The following TRIM24 variants were observed in gnomAD, a reference collection of about 807,000 sequenced individuals.
TRIM24 encodes the protein transcription intermediary factor 1-alpha.
Under a neutral mutation model 123.9 loss-of-function variants are expected in TRIM24, and 29 were observed. That is an observed-to-expected ratio of 0.23 (90% CI 0.17 to 0.32). TRIM24 has a LOEUF of 0.32. Among genes scored for constraint, TRIM24 ranks in the 10% least tolerant of loss-of-function variants. TRIM24 has a pLI of 1.00. For missense variants in TRIM24, 932 were observed against 1,295.3 expected (o/e 0.72, Z 4.31); for synonymous variants, 456 against 461.1 (o/e 0.99, Z 0.14).
At chr7:138,485,770 T>G (rs1160777110) in intron 1 of TRIM24, among the ~76,000 whole-genome samples, 3 of 152,218 alleles carry the variant, frequency 2.0e-5, no homozygotes, top group African/African-American at 7.2e-5. Context: ...GTTCCAAGTC[T>G]CTCCTGTTGT....
At chr7:138,524,209 G>A (rs192747496) in intron 4 of TRIM24, among the ~76,000 whole-genome samples, 2 of 152,116 alleles carry the variant, frequency 1.3e-5, no homozygotes, top group Admixed American at 6.5e-5. Context: ...TAGCAAACTA[G>A]AAATAAAAAA....
intron 2 of TRIM24, among the ~76,000 whole-genome samples, chr7:138,506,364 AT>A (rs1230772967): frequency 7.2e-5 from 11 of 152,192 alleles, no homozygotes; most frequent in African/African-American, 2.7e-4. Context: ...AATACAAATG[AT>A]TTTGTTTCTG....
intron 1 of TRIM24, among the ~76,000 whole-genome samples, chr7:138,463,051 T>TTTG (rs1795045823): frequency 8.0e-6 from 1 of 124,760 alleles, no homozygotes; most frequent in African/African-American, 3.0e-5. Context: ...GTGTTTTTTT[T>TTTG]TTTTTTTTTT....
At chr7:138,504,912 C>G (rs1796119775) in intron 2 of TRIM24, among the ~76,000 whole-genome samples, 1 of 151,978 alleles carries the variant, frequency 6.6e-6, no homozygotes, top group Non-Finnish European at 1.5e-5. Flanking sequence ...AGGTGTGTGC[C>G]ACTATGCCCA....
intron 6 of TRIM24, among the ~76,000 whole-genome samples, chr7:138,534,564 C>G (rs970802393): frequency 6.0e-4 from 92 of 152,290 alleles, no homozygotes; most frequent in Admixed American, 1.9e-3. Flanking sequence ...TTTGATTGCA[C>G]TGTAGTCTGA....
chr7:138,581,942 G>C (rs1185544609), intron 17 of TRIM24, among the ~76,000 whole-genome samples, 171 bp downstream of exon 17: 1 of 152,014 alleles, frequency 6.6e-6, no homozygotes, highest in African/African-American at 2.4e-5. Flanking sequence ...TTAGTAAGTG[G>C]CCCAAAACTT....
chr7:138,494,043 G>A (rs1020183097), intron 1 of TRIM24, among the ~76,000 whole-genome samples: 5 of 151,596 alleles, frequency 3.3e-5, no homozygotes, highest in Admixed American at 1.3e-4. Flanking sequence ...GTGCAATGGC[G>A]CGATCTCAGC....
In TRIM24 at chr7:138,512,647, C is replaced by T. The variant is rs1331027148; in HGVS notation, c.484-2565C>T. 2.6e-5 allele frequency among the ~76,000 whole-genome samples: 4 copies of T among 152,080 alleles called. No homozygotes were observed. In the East Asian group the frequency reaches 7.8e-4, roughly 29 times the overall value. On this transcript the variant is annotated intron_variant, in intron 2 of 18. Transcript: ENST00000343526. ...TGAGCCATGGCTGGAACTGGAGAGG[C>T]TGGGACACAGGGAGCAGTGTCCTGA...
At chr7:138,525,383 T>C in intron 5 of TRIM24, 26 bp downstream of exon 5, 1 of 1,269,302 alleles carries the variant, frequency 7.9e-7, no homozygotes. Context: ...TATGTAATCA[T>C]TTTTATATAA....
intron 1 of TRIM24, among the ~76,000 whole-genome samples, chr7:138,484,487 T>A (rs1795603642): frequency 6.6e-6 from 1 of 152,070 alleles, no homozygotes; most frequent in South Asian, 2.1e-4. Flanking sequence ...TGTTAGGTGG[T>A]GAGTTCTAAG....
At chr7:138,531,716 C>T (rs1478372111) in intron 6 of TRIM24, among the ~76,000 whole-genome samples, 3 of 152,132 alleles carry the variant, frequency 2.0e-5, no homozygotes, top group Non-Finnish European at 4.4e-5. Flanking sequence ...GATTTATAAT[C>T]CTTTGGGTAT....
intron 7 of TRIM24, among the ~76,000 whole-genome samples, chr7:138,539,808 T>TTC (rs1199777813): frequency 6.0e-5 from 9 of 150,582 alleles, no homozygotes; most frequent in African/African-American, 2.2e-4. Flanking sequence ...AATCTTTTTT[T>TTC]TTTTTTTTTT....
chr7:138,478,413 A>G (rs912723017), intron 1 of TRIM24, among the ~76,000 whole-genome samples: 8 of 152,182 alleles, frequency 5.3e-5, no homozygotes, highest in African/African-American at 1.7e-4. Flanking sequence ...AGGCTGAGGC[A>G]GGAGGATCGC....
intron 1 of TRIM24, among the ~76,000 whole-genome samples, chr7:138,463,435 T>C (rs1467214922): frequency 6.6e-6 from 1 of 152,124 alleles, no homozygotes; most frequent in Non-Finnish European, 1.5e-5. Flanking sequence ...TTTTGCCATG[T>C]TGGCCAGGCT....
At chr7:138,466,989 T>A (rs192033380) in intron 1 of TRIM24, among the ~76,000 whole-genome samples, 1 of 152,322 alleles carries the variant, frequency 6.6e-6, no homozygotes, top group Admixed American at 6.5e-5. Context: ...TGAGGTTCAT[T>A]TTTTTAAAAA....
At chr7:138,551,288 A>G (rs901493387) in intron 8 of TRIM24, 108 bp downstream of exon 8, 3 of 957,096 alleles carry the variant, frequency 3.1e-6, no homozygotes, top group Non-Finnish European at 4.9e-6. Context: ...ACGGTGGCTC[A>G]CATCTGTAAT....
intron 1 of TRIM24, among the ~76,000 whole-genome samples, chr7:138,463,114 T>C (rs1283722002): frequency 7.6e-6 from 1 of 131,360 alleles, no homozygotes; most frequent in African/African-American, 2.8e-5. Context: ...GGTCTTGAAC[T>C]CCCGACCTCA....
At chr7:138,527,887 T>G (rs1796643547) in intron 5 of TRIM24, among the ~76,000 whole-genome samples, 2 of 151,884 alleles carry the variant, frequency 1.3e-5, no homozygotes, top group African/African-American at 2.4e-5. Context: ...GAACAAAGAC[T>G]GGGCCTAGAA....
In TRIM24 at chr7:138,493,452, G is replaced by A. The variant is rs150769921; in HGVS notation, c.365-10838G>A. On this transcript the variant is annotated intron_variant, in intron 1 of 18. Transcript: ENST00000343526. The stretch of plus-strand genomic sequence containing the variant: ...ATAGTGACTTTTCCAAGAAATTTTT[G>A]CGAAGTCTTTGTTCCTTGTTATGTA... Among the ~76,000 whole-genome samples the A allele has an allele frequency of 8.2e-3, 1,246 of 152,292 alleles. 14 individuals carry two copies. The highest frequency in any genetic ancestry group is 0.01 in the Non-Finnish European group (713 of 68,014).
Sources: allele counts gnomAD v4.1 joint callset (sites outside exome capture counted in the v4.1 genomes callset), GRCh38; gene constraint gnomAD v4.1.1; transcripts MANE v1.5; gene names NCBI Gene and HGNC (gene_info 2026-07-23, HGNC 2026-07-21).